Variants in ITGB5 observed in about 807,000 individuals in gnomAD.
The protein encoded by ITGB5 is integrin beta-5.
A neutral mutation model predicts 84.8 loss-of-function variants in ITGB5; 38 were observed. The ratio of observed to expected loss-of-function variants is 0.45; its 90% CI spans 0.35 to 0.59. The LOEUF (loss-of-function observed/expected upper bound fraction) is 0.59, where lower values mean the gene tolerates loss of function less well. ITGB5 is among the 20% of genes least tolerant of loss of function. The pLI is 0.01. For synonymous variants in ITGB5, 393 were observed against 414.4 expected (o/e 0.95, Z 0.63); for missense variants, 905 against 1,034.5 (o/e 0.87, Z 1.72).
intron 4 of ITGB5, among the ~76,000 whole-genome samples, chr3:124,845,275 A>C (rs1432270334): frequency 6.6e-6 from 1 of 152,186 alleles, no homozygotes; most frequent in African/African-American, 2.4e-5. Context: ...TCTACTAAAA[A>C]ATACAAAAAT....
rs956613116 is a variant in ITGB5, at chr3:124,901,252, A to G, written c.-255+14T>C. ...ACTAAAAATACAAAATTAGTCGGGC[A>G]TGGTGGTGCTCACCTGTAATCCCAG... is the stretch of plus-strand genomic sequence containing the variant. On this transcript the variant is annotated intron_variant, in intron 1 of 4. Coordinates refer to the ITGB5 transcript ENST00000608657. 2.0e-5 allele frequency: 3 copies of G among 152,268 alleles called. No individual in the cohort carries two copies. In the South Asian group the frequency reaches 6.2e-4, roughly 32 times the overall value. The allele number at this position is 152,268 out of a possible 1,614,324, so 9.4% of individuals were successfully genotyped here. A position where few individuals can be genotyped will look rare whatever the true frequency, so the allele number is the denominator to read the frequency against.
intron 8 of ITGB5, 71 bp downstream of exon 8, chr3:124,817,550 C>T (rs746591696): frequency 2.0e-5 from 16 of 787,400 alleles, no homozygotes; most frequent in South Asian, 7.0e-5. Flanking sequence ...CCTGAGCCCG[C>T]GGCAGCTGCA....
intron 2 of ITGB5, among the ~76,000 whole-genome samples, chr3:124,863,595 T>G (rs1312503373): frequency 1.3e-5 from 2 of 152,236 alleles, no homozygotes; most frequent in African/African-American, 4.8e-5. Flanking sequence ...CTCAGCTCAC[T>G]GCAACCTCTG....
At chr3:124,873,344 T>C (rs1481946925) in intron 2 of ITGB5, 102 bp downstream of exon 2, 1 of 841,088 alleles carries the variant, frequency 1.2e-6, no homozygotes, top group Non-Finnish European at 2.1e-6. Context: ...CTGCACAGGA[T>C]TTTTATGTAT....
chr3:124,852,533 G>A (rs1251665600), intron 3 of ITGB5, among the ~76,000 whole-genome samples: 1 of 152,004 alleles, frequency 6.6e-6, no homozygotes, highest in Non-Finnish European at 1.5e-5. Context: ...TTCTTCCACT[G>A]TAATCGGGTA....
chr3:124,869,327 G>A (rs1173132442), intron 2 of ITGB5, among the ~76,000 whole-genome samples: 5 of 152,250 alleles, frequency 3.3e-5, no homozygotes, highest in African/African-American at 7.2e-5. Flanking sequence ...TGTAATCCCA[G>A]CACTTTGGGA....
chr3:124,794,620 A>T (rs796070585), intron 10 of ITGB5, among the ~76,000 whole-genome samples: 19 of 144,572 alleles, frequency 1.3e-4, no homozygotes, highest in South Asian at 4.4e-4. Context: ...ATATCTATTT[A>T]AAAAAAAAAA....
chr3:124,894,182 G>C (rs1007792905), intron 1 of ITGB5, among the ~76,000 whole-genome samples: 1 of 121,262 alleles, frequency 8.2e-6, no homozygotes, highest in African/African-American at 3.2e-5. Context: ...ACCCAGGCTG[G>C]AGTGCAGTGG....
intron 9 of ITGB5, among the ~76,000 whole-genome samples, chr3:124,806,005 C>T (rs759801221): frequency 2.3e-4 from 35 of 152,248 alleles, no homozygotes; most frequent in Non-Finnish European, 4.3e-4. Context: ...ATAAGGTCTC[C>T]TATGAGTTCA....
At chr3:124,858,415 C>T (rs770432410) in intron 3 of ITGB5, among the ~76,000 whole-genome samples, 27 of 152,100 alleles carry the variant, frequency 1.8e-4, no homozygotes, top group Non-Finnish European at 3.8e-4. Context: ...CTTGCATTCA[C>T]TAAGGAGTAA....
At chr3:124,817,398 G>A (rs2064619811) in intron 8 of ITGB5, among the ~76,000 whole-genome samples, 1 of 152,200 alleles carries the variant, frequency 6.6e-6, no homozygotes, top group Non-Finnish European at 1.5e-5. Context: ...GCAGATGAGA[G>A]TCAAGATGGC....
At chr3:124,859,128 T>C (rs956414494) in intron 3 of ITGB5, 114 bp downstream of exon 3, 1 of 971,494 alleles carries the variant, frequency 1.0e-6, no homozygotes, top group Admixed American at 2.3e-5. Flanking sequence ...CATCACCATC[T>C]CGTGGCTCTG....
chr3:124,829,436 T>C (rs146852008), intron 5 of ITGB5, among the ~76,000 whole-genome samples: 81 of 152,366 alleles, frequency 5.3e-4, no homozygotes, highest in African/African-American at 1.9e-3. Flanking sequence ...CACTTTTCTT[T>C]GTTCACTGTC....
At chr3:124,793,455 T>A (rs2064178050) in intron 10 of ITGB5, among the ~76,000 whole-genome samples, 1 of 152,258 alleles carries the variant, frequency 6.6e-6, no homozygotes, top group South Asian at 2.1e-4. Context: ...TGGAATTTTT[T>A]AGGCAAAGCC....
At chr3:124,884,994 G>A (rs1934735985) in intron 1 of ITGB5, among the ~76,000 whole-genome samples, 1 of 152,258 alleles carries the variant, frequency 6.6e-6, no homozygotes, top group Admixed American at 6.5e-5. Context: ...TTCGCAGCCA[G>A]GCGTGGTGGC....
intron 5 of ITGB5, among the ~76,000 whole-genome samples, chr3:124,822,866 A>G (rs919625443): frequency 1.3e-5 from 2 of 152,270 alleles, no homozygotes; most frequent in African/African-American, 4.8e-5. Context: ...TTAATGAAGG[A>G]AAGTCCAATG....
intron 3 of ITGB5, among the ~76,000 whole-genome samples, chr3:124,855,575 CT>C (rs1194849548): frequency 6.6e-6 from 1 of 152,208 alleles, no homozygotes; most frequent in Non-Finnish European, 1.5e-5. Flanking sequence ...ATTCACAATG[CT>C]TGTAGGTCTT....
chr3:124,817,716 GA>G lies in ITGB5; in HGVS notation c.1039-7del, dbSNP rs760660452. On this transcript the variant is annotated splice_region_variant and splice_polypyrimidine_tract_variant and intron_variant, in intron 7 of 14. Coordinates refer to ENST00000296181, the MANE Select transcript of ITGB5 (RefSeq NM_002213.5). ...GGTATCAGGGCTGTAAAATTCTTGG[GA>G]AAAAAAGTAAAGAAAAGAAATAAGT... 1.7e-5 allele frequency: 26 copies of G among 1,537,644 alleles called. No individual in the cohort carries two copies. The East Asian group carries it at 3.2e-4, about 19-fold the overall frequency.
At chr3:124,791,465 G>A (rs963576212) in intron 10 of ITGB5, 1 of 152,180 alleles carries the variant, frequency 6.6e-6, no homozygotes, top group Non-Finnish European at 1.5e-5. Flanking sequence ...GTAATGTCTT[G>A]CGCTTTGCCC....
Sources: allele counts gnomAD v4.1 joint callset (sites outside exome capture counted in the v4.1 genomes callset), GRCh38; gene constraint gnomAD v4.1.1; transcripts MANE v1.5; gene names NCBI Gene and HGNC (gene_info 2026-07-23, HGNC 2026-07-21).